Variants in ATXN7 observed in about 807,000 individuals in gnomAD.
ATXN7 encodes the protein ataxin-7.
ATXN7 carries 12 observed loss-of-function variants against 70.5 expected under a neutral mutation model. That is an observed-to-expected ratio of 0.17 (90% CI 0.11 to 0.28). ATXN7 has a LOEUF of 0.28. Ranked by LOEUF, ATXN7 falls within the 10% of genes least tolerant of loss-of-function variation. ATXN7 has a pLI of 1.00. For synonymous variants in ATXN7, 498 were observed against 448.7 expected (o/e 1.11, Z -1.39); for missense variants, 1,256 against 1,131.7 (o/e 1.11, Z -1.58).
chr3:63,991,110 G>A (rs2075664522), intron 11 of ATXN7: 1 of 484,940 alleles, frequency 2.1e-6, no homozygotes, highest in Non-Finnish European at 3.7e-6. Flanking sequence ...AGTTGGGATT[G>A]GGTAAGGGGA....
chr3:63,883,406 T>C (rs535493552), intron 1 of ATXN7, among the ~76,000 whole-genome samples: 33 of 152,308 alleles, frequency 2.2e-4, no homozygotes, highest in African/African-American at 7.7e-4. Context: ...GTCCAGTGTG[T>C]GTTGCATGGG....
At chr3:63,953,714 G>A (rs745870354) in intron 5 of ATXN7, among the ~76,000 whole-genome samples, 3 of 150,020 alleles carry the variant, frequency 2.0e-5, no homozygotes, top group Non-Finnish European at 4.4e-5. Flanking sequence ...GCAGTGGTGC[G>A]ATCTCGGCTC....
intron 5 of ATXN7, among the ~76,000 whole-genome samples, chr3:63,962,047 C>T (rs17069539): frequency 0.022 from 3,415 of 152,216 alleles, 133 homozygotes; most frequent in African/African-American, 0.076. Context: ...GTGGTACCTA[C>T]TACCTGACTG....
chr3:63,991,992 A>T (rs1320432057), intron 11 of ATXN7, among the ~76,000 whole-genome samples: 1 of 152,172 alleles, frequency 6.6e-6, no homozygotes, highest in African/African-American at 2.4e-5. Context: ...GAGAACTAGT[A>T]TTCGGTGGGA....
At chr3:63,931,468 G>GGA (rs758246646) in intron 4 of ATXN7, among the ~76,000 whole-genome samples, 1 of 152,126 alleles carries the variant, frequency 6.6e-6, no homozygotes, top group Non-Finnish European at 1.5e-5. Flanking sequence ...AGGGGCTCAG[G>GGA]GAGAGCCCCT....
At chr3:63,996,606 T>C (rs2075764609) in intron 12 of ATXN7, 123 bp downstream of exon 12, 1 of 648,262 alleles carries the variant, frequency 1.5e-6, no homozygotes. Flanking sequence ...TTCAGCTTCA[T>C]GGTGTCTTCT....
chr3:63,939,860 A>G (rs539751634), intron 4 of ATXN7, among the ~76,000 whole-genome samples: 1 of 152,176 alleles, frequency 6.6e-6, no homozygotes, highest in East Asian at 1.9e-4. Context: ...TTTTCAGAGA[A>G]TTGTCACTGA....
At chr3:63,982,466 T>C (rs1281295992) in intron 7 of ATXN7, 21 bp downstream of exon 7, 36 of 1,549,772 alleles carry the variant, frequency 2.3e-5, no homozygotes, top group Non-Finnish European at 3.2e-5. Context: ...ATTTTCTTTC[T>C]TCATAATGCT....
intron 4 of ATXN7, among the ~76,000 whole-genome samples, chr3:63,935,167 T>G (rs2074635787): frequency 1.3e-5 from 2 of 152,186 alleles, no homozygotes; most frequent in Non-Finnish European, 2.9e-5. Context: ...CTTCCACTAT[T>G]GAAAGAGTGC....
upstream of ATXN7, chr3:63,863,649 G>C (rs1283928652): frequency 1.6e-6 from 2 of 1,215,872 alleles, no homozygotes; most frequent in East Asian, 6.7e-5. Flanking sequence ...GAAGGCCGAA[G>C]CGCTCTGGCG....
chr3:63,915,225 G>A (rs1265341902), intron 4 of ATXN7, among the ~76,000 whole-genome samples: 1 of 152,066 alleles, frequency 6.6e-6, no homozygotes, highest in African/African-American at 2.4e-5. Context: ...GTGAGCCACC[G>A]CCTGGCCCTT....
chr3:63,898,221 T>TAA (rs11292430), intron 1 of ATXN7, among the ~76,000 whole-genome samples, 178 bp from the exon 2 acceptor site: 277 of 148,560 alleles, frequency 1.9e-3, no homozygotes, highest in African/African-American at 6.4e-3. Context: ...AAGTTCATTG[T>TAA]AAAAAAAAAA....
At chr3:63,952,750 T>G (rs2106660432) in intron 5 of ATXN7, among the ~76,000 whole-genome samples, 1 of 151,806 alleles carries the variant, frequency 6.6e-6, no homozygotes, top group African/African-American at 2.4e-5. Flanking sequence ...TCAGTATAAT[T>G]ACAAGTTTGT....
intron 4 of ATXN7, among the ~76,000 whole-genome samples, chr3:63,936,654 A>C (rs60832305): frequency 0.028 from 4,226 of 152,270 alleles, 169 homozygotes; most frequent in African/African-American, 0.09. Context: ...ACAGGATCCC[A>C]ATAACCTCCT....
chr3:63,967,749 C>CT (rs2075250258), intron 5 of ATXN7: 3 of 1,413,810 alleles, frequency 2.1e-6, no homozygotes, highest in Non-Finnish European at 2.8e-6. Flanking sequence ...CCCCTGTTTT[C>CT]TGTTGATCTG....
At chr3:63,893,437 G>C (rs576435174) in intron 1 of ATXN7, among the ~76,000 whole-genome samples, 3 of 152,174 alleles carry the variant, frequency 2.0e-5, no homozygotes, top group African/African-American at 7.2e-5. Flanking sequence ...GGAGAGATAG[G>C]CTCAAGATGG....
rs1702329285 is a variant in ATXN7 at position 63,864,163 on chromosome 3, G to A, written c.-111+5G>A. 1.3e-5 allele frequency among the ~76,000 whole-genome samples: 2 copies of A among 150,366 alleles called. No individual in the cohort carries two copies. Among genetic ancestry groups the A allele is most frequent in the African/African-American group, 2.4e-5 (1 of 41,146 alleles). Reference sequence around the variant, plus strand: ...GAGGCCGCAGCCAGCCGCCAGGTGAGCTCGCCCGGACGCCGCCAGGGCTGC... The same window carrying A: ...GAGGCCGCAGCCAGCCGCCAGGTGAACTCGCCCGGACGCCGCCAGGGCTGC... On this transcript the variant is annotated splice_donor_5th_base_variant and intron_variant, in intron 1 of 12. Coordinates refer to ENST00000674280, the MANE Select transcript of ATXN7 (RefSeq NM_001377405.1).
chr3:63,958,658 G>A (rs2075075141), intron 5 of ATXN7, among the ~76,000 whole-genome samples: 1 of 151,648 alleles, frequency 6.6e-6, no homozygotes, highest in Admixed American at 6.6e-5. Flanking sequence ...GATAAAGAAA[G>A]AAAATGTTTT....
chr3:63,912,451 G>T, intron 2 of ATXN7, 137 bp from the exon 3 acceptor site: 1 of 397,802 alleles, frequency 2.5e-6, no homozygotes, highest in Non-Finnish European at 3.4e-6. Flanking sequence ...CGGGCTCGGG[G>T]GGCTGGGCGG....
Sources: allele counts gnomAD v4.1 joint callset (sites outside exome capture counted in the v4.1 genomes callset), GRCh38; gene constraint gnomAD v4.1.1; transcripts MANE v1.5; gene names NCBI Gene and HGNC (gene_info 2026-07-23, HGNC 2026-07-21).